Variants in PAPSS2 observed in about 807,000 individuals in gnomAD.
PAPSS2 encodes bifunctional 3'-phosphoadenosine 5'-phosphosulfate synthase 2.
In PAPSS2, 61 loss-of-function variants were observed where a neutral mutation model predicts 66.5. That is an observed-to-expected ratio of 0.92 (90% CI 0.75 to 1.14). The LOEUF is 1.14. Ranked by LOEUF, PAPSS2 falls within the 50% of genes most tolerant of loss-of-function variation. PAPSS2 has a pLI of 0.00. For synonymous variants in PAPSS2, 289 were observed against 287.5 expected (o/e 1.01, Z -0.05); for missense variants, 708 against 789.6 (o/e 0.90, Z 1.24).
chr10:87,682,263 C>A (rs1853030560), intron 1 of PAPSS2, among the ~76,000 whole-genome samples: 3 of 152,196 alleles, frequency 2.0e-5, no homozygotes, highest in Non-Finnish European at 4.4e-5. Context: ...CAGCAAAGGT[C>A]TACAGAGGAG....
intron 1 of PAPSS2, among the ~76,000 whole-genome samples, chr10:87,699,436 C>T (rs202037742): frequency 6.6e-6 from 1 of 152,178 alleles, no homozygotes; most frequent in East Asian, 1.9e-4. Context: ...GCATGAGTTG[C>T]CATCCCTGGC....
intron 1 of PAPSS2, among the ~76,000 whole-genome samples, chr10:87,669,462 T>A (rs1339019923): frequency 6.6e-6 from 1 of 152,176 alleles, no homozygotes. Context: ...GGCCATTGGG[T>A]CACTAGTACA....
chr10:87,675,879 C>G (rs1248454519), intron 1 of PAPSS2, among the ~76,000 whole-genome samples: 1 of 152,122 alleles, frequency 6.6e-6, no homozygotes, highest in African/African-American at 2.4e-5. Context: ...AATTCCTTCC[C>G]CATGCAAATG....
intron 1 of PAPSS2, chr10:87,660,330 T>C: frequency 1.9e-6 from 1 of 519,348 alleles, no homozygotes; most frequent in South Asian, 2.3e-5. Context: ...CCCCTTTCTT[T>C]CCCAAGAGCT....
At chr10:87,680,969 C>G (rs1853013007) in intron 1 of PAPSS2, among the ~76,000 whole-genome samples, 1 of 152,192 alleles carries the variant, frequency 6.6e-6, no homozygotes, top group African/African-American at 2.4e-5. Context: ...GTGTATTCCA[C>G]TGCTGGAATA....
chr10:87,714,326 A>G (rs1389771946), intron 4 of PAPSS2, 144 bp downstream of exon 4: 3 of 831,236 alleles, frequency 3.6e-6, no homozygotes, highest in Non-Finnish European at 6.0e-6. Context: ...AGATCATGAT[A>G]TATTCAGTAT....
chr10:87,714,924 C>A, intron 5 of PAPSS2, 61 bp downstream of exon 5: 1 of 1,402,200 alleles, frequency 7.1e-7, no homozygotes, highest in Non-Finnish European at 1.0e-6. Context: ...CAATCTATGC[C>A]TCTTTACTGA....
chr10:87,712,413 A>AT (rs1000409290), intron 2 of PAPSS2, among the ~76,000 whole-genome samples: 2 of 151,910 alleles, frequency 1.3e-5, no homozygotes, highest in South Asian at 4.1e-4. Flanking sequence ...ACATCTTTTG[A>AT]TTTTTTCAAG....
intron 1 of PAPSS2, among the ~76,000 whole-genome samples, chr10:87,700,518 C>T (rs1278536104): frequency 2.0e-5 from 3 of 151,908 alleles, no homozygotes; most frequent in Non-Finnish European, 4.4e-5. Context: ...ATTGGCCAGC[C>T]ACAGTGGCTT....
chr10:87,680,273 C>G lies in PAPSS2; in HGVS notation c.27+20265C>G, dbSNP rs1022691966. 8.5e-5 allele frequency among the ~76,000 whole-genome samples: 13 copies of G among 152,162 alleles called. No individual in the cohort carries two copies. In the East Asian group the frequency reaches 1.2e-3, roughly 14 times the overall value. ...CTATTTTCTTTAGCACTGGAGGGAG[C>G]CTTCCTTTATTTGGTCTCACTCTAA... On this transcript the variant is annotated intron_variant, in intron 1 of 12. Transcript: ENST00000456849.
chr10:87,690,403 C>T (rs576442677), intron 1 of PAPSS2, among the ~76,000 whole-genome samples: 40 of 152,130 alleles, frequency 2.6e-4, no homozygotes, highest in Admixed American at 1.1e-3. Context: ...ATGTAAGGAA[C>T]GAATAGAAAT....
rs60791274 is a variant in PAPSS2 at position 87,725,884 on chromosome 10, TACAC to T, written c.881-1372_881-1369del. 4.6e-3 allele frequency among the ~76,000 whole-genome samples: 641 copies of T among 140,456 alleles called. 4 individuals carry two copies. Among genetic ancestry groups the T allele is most frequent in the South Asian group, 0.029 (126 of 4,292 alleles). 92.1% of individuals were successfully genotyped at this position (140,456 alleles called of 152,430 possible). A position where few individuals can be genotyped will look rare whatever the true frequency, so the allele number is the denominator to read the frequency against. ...CTAATTTAAAAAAAATATGTGTGTA[TACAC>T]ACACACACACACACACACACACACA... is the stretch of plus-strand genomic sequence containing the variant. On this transcript the variant is annotated intron_variant, in intron 8 of 12. Transcript: ENST00000456849.
At position 87,747,024 on chromosome 10, in the gene PAPSS2, T is replaced by TC. The variant is rs1257208445; in HGVS notation, c.*1057dup. The TC allele has an allele frequency of 6.6e-6, 1 of 152,166 alleles. No individual in the cohort carries two copies. Among genetic ancestry groups the TC allele is most frequent in the African/African-American group, 2.4e-5 (1 of 41,432 alleles). The allele number at this position is 152,166 out of a possible 1,614,324, so 9.4% of individuals were successfully genotyped here. A position where few individuals can be genotyped will look rare whatever the true frequency, so the allele number is the denominator to read the frequency against. On this transcript the variant is annotated 3_prime_UTR_variant, in exon 13 of 13. Transcript: ENST00000456849. ...TGAAGAAGCACCCAGGCCACTTGAC[T>TC]CCCAGTCTGGTGCCCTGTCTACACC...
At chr10:87,668,658 A>AT (rs1491142810) in intron 1 of PAPSS2, among the ~76,000 whole-genome samples, 1 of 149,152 alleles carries the variant, frequency 6.7e-6, no homozygotes, top group East Asian at 2.0e-4. Flanking sequence ...TACTTTAAAA[A>AT]TGTGTGTGTG....
At chr10:87,698,695 T>C (rs1003410761) in intron 1 of PAPSS2, among the ~76,000 whole-genome samples, 1 of 152,224 alleles carries the variant, frequency 6.6e-6, no homozygotes, top group Non-Finnish European at 1.5e-5. Context: ...CACAAAATAC[T>C]TACGAACGAT....
At chr10:87,724,314 G>A (rs1853631562) in intron 8 of PAPSS2, among the ~76,000 whole-genome samples, 1 of 151,298 alleles carries the variant, frequency 6.6e-6, no homozygotes, top group Non-Finnish European at 1.5e-5. Flanking sequence ...CAATATAAAG[G>A]AACTTTTAAA....
At chr10:87,690,858 CAG>C (rs1853163400) in intron 1 of PAPSS2, among the ~76,000 whole-genome samples, 1 of 152,134 alleles carries the variant, frequency 6.6e-6, no homozygotes. Flanking sequence ...AGTGAAGGAA[CAG>C]AGAGGTTAAG....
chr10:87,740,691 C>T (rs949297007), intron 9 of PAPSS2, among the ~76,000 whole-genome samples: 1 of 152,108 alleles, frequency 6.6e-6, no homozygotes, highest in Non-Finnish European at 1.5e-5. Context: ...TATCCAAATC[C>T]TCTTCTCTTT....
chr10:87,665,940 C>T (rs1852810845), intron 1 of PAPSS2, among the ~76,000 whole-genome samples: 2 of 150,950 alleles, frequency 1.3e-5, no homozygotes, highest in African/African-American at 4.9e-5. Flanking sequence ...CCTATTTTGT[C>T]AGCTATTTGT....
Sources: allele counts gnomAD v4.1 joint callset (sites outside exome capture counted in the v4.1 genomes callset), GRCh38; gene constraint gnomAD v4.1.1; transcripts MANE v1.5; gene names NCBI Gene and HGNC (gene_info 2026-07-23, HGNC 2026-07-21).